The following KCNT1 variants were observed in gnomAD, a reference collection of about 807,000 sequenced individuals.
KCNT1 encodes the protein potassium sodium-activated channel subfamily T member 1.
A neutral mutation model predicts 147.8 loss-of-function variants in KCNT1; 78 were observed. The observed-to-expected ratio is 0.53, with a 90% CI of 0.44 to 0.64. The LOEUF (loss-of-function observed/expected upper bound fraction) is 0.64, where lower values mean the gene tolerates loss of function less well. Among genes scored for constraint, KCNT1 ranks in the 30% least tolerant of loss-of-function variants. The pLI is 0.00. For missense variants in KCNT1, 1,419 were observed against 1,750.3 expected (o/e 0.81, Z 3.38); for synonymous variants, 867 against 748.8 (o/e 1.16, Z -2.58).
intron 2 of KCNT1, among the ~76,000 whole-genome samples, chr9:135,725,336 G>A (rs1804163645): frequency 6.6e-6 from 1 of 152,236 alleles, no homozygotes; most frequent in African/African-American, 2.4e-5. Context: ...GATTAGTTGA[G>A]GATCTCAAGG....
At chr9:135,731,426 C>G (rs1252479890) in intron 2 of KCNT1, among the ~76,000 whole-genome samples, 1 of 152,320 alleles carries the variant, frequency 6.6e-6, no homozygotes, top group East Asian at 1.9e-4. Flanking sequence ...GTGTAATTCT[C>G]TAACGCTCTG....
chr9:135,722,364 C>T (rs1468360410), intron 2 of KCNT1, among the ~76,000 whole-genome samples: 5 of 152,226 alleles, frequency 3.3e-5, no homozygotes, highest in African/African-American at 1.2e-4. Context: ...GTGTGTGACA[C>T]AAAATGAAAT....
intron 5 of KCNT1, among the ~76,000 whole-genome samples, chr9:135,754,898 C>T (rs1831385347): frequency 6.6e-6 from 1 of 152,196 alleles, no homozygotes; most frequent in Non-Finnish European, 1.5e-5. Flanking sequence ...CCTGGGGGGC[C>T]TGCCTGCTGC....
intron 27 of KCNT1, 28 bp from the exon 28 acceptor site, chr9:135,785,282 T>C (rs1161906420): frequency 1.2e-6 from 2 of 1,612,312 alleles, no homozygotes; most frequent in Non-Finnish European, 1.7e-6. Context: ...CGCCCACAGG[T>C]CCCAGACTGC....
intron 2 of KCNT1, among the ~76,000 whole-genome samples, chr9:135,732,027 GAGA>G (rs1429621861): frequency 1.5e-4 from 15 of 102,436 alleles, no homozygotes; most frequent in Non-Finnish European, 2.5e-4. Flanking sequence ...GAGAGAGAGA[GAGA>G]GAGAGAGAGA....
intron 28 of KCNT1, 194 bp downstream of exon 28, chr9:135,785,524 C>A: frequency 1.4e-6 from 1 of 721,766 alleles, no homozygotes; most frequent in Non-Finnish European, 2.4e-6. Flanking sequence ...CTCCCTCCTG[C>A]ACTGGTGGTG....
intron 2 of KCNT1, among the ~76,000 whole-genome samples, chr9:135,731,985 TATATATAG>T (rs1452190178): frequency 5.6e-4 from 13 of 23,272 alleles, no homozygotes; most frequent in Admixed American, 1.6e-3. Context: ...TATATATATA[TATATATAG>T]AGAGAGAGAG....
chr9:135,756,815 C>T lies in KCNT1; in HGVS notation c.541-58C>T, dbSNP rs1831509181. ...TACCTGCCCGCGAGGCCTGTGGGGT[C>T]AGGCCCCAGCCCCAGCCCCGGCCTG... On this transcript the variant is annotated intron_variant, in intron 6 of 30. Coordinates refer to ENST00000371757, the MANE Select transcript of KCNT1 (RefSeq NM_020822.3). The T allele has an allele frequency of 9.5e-6, 14 of 1,470,074 alleles. No individual in the cohort carries two copies. The South Asian group carries it at 1.2e-4, about 13-fold the overall frequency. The allele number at this position is 1,470,074 out of a possible 1,614,324, so 91.1% of individuals were successfully genotyped here.
chr9:135,768,721 C>T lies in KCNT1; in HGVS notation c.1401+48C>T, dbSNP rs768096112. ...CCAGGCGGGAGGGGCACCGTGGGGCCGGGGAGCGGGGGTCCCTGAGGGAAG... is the reference window on the plus strand; with the variant it reads ...CCAGGCGGGAGGGGCACCGTGGGGCTGGGGAGCGGGGGTCCCTGAGGGAAG... On this transcript the variant is annotated intron_variant, in intron 14 of 30. Transcript: ENST00000371757. 17 of 1,533,748 alleles carry T rather than the reference C, an allele frequency of 1.1e-5. 1 individual carries two copies. The highest frequency in any genetic ancestry group is 9.6e-5 in the African/African-American group (7 of 72,704).
intron 2 of KCNT1, among the ~76,000 whole-genome samples, chr9:135,734,294 C>G (rs1830245333): frequency 6.6e-6 from 1 of 152,190 alleles, no homozygotes; most frequent in Non-Finnish European, 1.5e-5. Flanking sequence ...CCCAGCCCAC[C>G]TTCCCCTCCG....
chr9:135,704,948 CAGG>C (rs534710822), intron 1 of KCNT1, among the ~76,000 whole-genome samples: 73 of 152,312 alleles, frequency 4.8e-4, no homozygotes, highest in African/African-American at 1.4e-3. Flanking sequence ...AGTAACAGCT[CAGG>C]AGGACAGAGG....
chr9:135,718,992 A>C (rs1419421295), intron 2 of KCNT1, among the ~76,000 whole-genome samples: 1 of 152,164 alleles, frequency 6.6e-6, no homozygotes, highest in Non-Finnish European at 1.5e-5. Context: ...CAGGGACCTG[A>C]TGGTGGACCC....
rs963423741 is a variant in KCNT1 at position 135,761,883 on chromosome 9, G to A, written c.1035+2024G>A. 4.7e-4 allele frequency among the ~76,000 whole-genome samples: 72 copies of A among 152,274 alleles called. 1 individual carries two copies. The highest frequency in any genetic ancestry group is 1.6e-3 in the African/African-American group (65 of 41,558). On this transcript the variant is annotated intron_variant, in intron 11 of 30. Transcript: ENST00000371757. ...CAGCTCCACCTTCGGGCTGCGTCCG[G>A]CTCCTCTCCCCACCCCACACACCCC...
Position 135,730,341 on chromosome 9 carries a change from A to T in KCNT1, c.254+15621A>T, listed in dbSNP as rs1172035297. ...GTCCATGTCCTGATCCCAGAAACCCATGACTATGTAACCATGCGTGGCGAG... is the reference window on the plus strand; with the variant it reads ...GTCCATGTCCTGATCCCAGAAACCCTTGACTATGTAACCATGCGTGGCGAG... On this transcript the variant is annotated intron_variant, in intron 2 of 30. Transcript: ENST00000371757. The surrounding 1 kb of genome is among the most constrained non-coding windows in gnomAD (Gnocchi z 4.7). Among the ~76,000 whole-genome samples the T allele has an allele frequency of 6.6e-6, 1 of 152,170 alleles. No homozygotes were observed. The highest frequency in any genetic ancestry group is 1.5e-5 in the Non-Finnish European group (1 of 68,036).
intron 29 of KCNT1, chr9:135,790,736 A>G (rs1348774646): frequency 6.6e-6 from 1 of 152,476 alleles, no homozygotes; most frequent in Non-Finnish European, 1.5e-5. Flanking sequence ...GGCAGCAGCC[A>G]GGGTGGAGGC....
At position 135,784,596 on chromosome 9, in the gene KCNT1, C is replaced by T. The variant is rs763585049; in HGVS notation, c.3005C>T (p.Pro1002Leu). The change falls in exon 26 of 31, where the codon CCG (proline) becomes CTG (leucine). Residue 1002 changes from proline to leucine, a missense_variant. Coordinates refer to ENST00000371757, the MANE Select transcript of KCNT1 (RefSeq NM_020822.3). ...TRLLLGLDTT[P>L]GSGYLCAMKI... ...CTGCTGCTGGGCCTGGACACCACGC[C>T]GGGCTCGGGGTACCTCTGTGCCGTA... is the stretch of plus-strand genomic sequence containing the variant. 5.0e-6 allele frequency: 8 copies of T among 1,603,014 alleles called. No individual in the cohort carries two copies. The highest frequency in any genetic ancestry group is 1.9e-4 in the Middle Eastern group (1 of 5,138).
At chr9:135,705,992 G>A (rs1239408103) in intron 1 of KCNT1, among the ~76,000 whole-genome samples, 3 of 152,166 alleles carry the variant, frequency 2.0e-5, no homozygotes, top group Non-Finnish European at 4.4e-5. Flanking sequence ...ACCAGGGTCT[G>A]GACTGGCACA....
chr9:135,770,499 G>C (rs1417614198), intron 17 of KCNT1, 52 bp downstream of exon 17: 3 of 1,555,554 alleles, frequency 1.9e-6, no homozygotes, highest in Non-Finnish European at 8.7e-7. Context: ...GCTCTGCTCT[G>C]TGCCCTCCCC....
intron 19 of KCNT1, among the ~76,000 whole-genome samples, chr9:135,773,366 G>T (rs1300148634): frequency 6.6e-6 from 1 of 152,192 alleles, no homozygotes; most frequent in Non-Finnish European, 1.5e-5. Context: ...GCTGGGCAGT[G>T]ACCCCAGGCC....
Sources: gnomAD v4.1 joint callset for allele counts (sites outside exome capture counted in the v4.1 genomes callset) on GRCh38, gnomAD v4.1.1 for gene constraint, Gnocchi (gnomAD v3.1) non-coding constraint, MANE v1.5 for transcripts, NCBI Gene and HGNC (gene_info 2026-07-23, HGNC 2026-07-21) for gene names.